Variants in LRRC47 observed in about 807,000 individuals in gnomAD.
LRRC47 encodes leucine rich repeat containing 47.
In LRRC47, 31 loss-of-function variants were observed where a neutral mutation model predicts 40.9. That is an observed-to-expected ratio of 0.76 (90% CI 0.57 to 1.02). The LOEUF is 1.02. Among genes scored for constraint, LRRC47 ranks in the 50% least tolerant of loss-of-function variants. The probability of loss-of-function intolerance (pLI) is 0.00; values close to 1 mark genes in which losing one functional copy is unlikely to be tolerated. For missense variants in LRRC47, 726 were observed against 796.1 expected (o/e 0.91, Z 1.06); for synonymous variants, 427 against 371.9 (o/e 1.15, Z -1.70).
chr1:3,795,709 C>G (rs1030197865), intron 1 of LRRC47, among the ~76,000 whole-genome samples, 153 bp downstream of exon 1: 4 of 152,194 alleles, frequency 2.6e-5, no homozygotes, highest in Non-Finnish European at 2.9e-5. Flanking sequence ...AGGGGTGATG[C>G]CCCCCGCAGC....
At chr1:3,785,822 A>T (rs1272956981) in intron 2 of LRRC47, among the ~76,000 whole-genome samples, 1 of 152,192 alleles carries the variant, frequency 6.6e-6, no homozygotes, top group Non-Finnish European at 1.5e-5. Context: ...TTTACTGCAG[A>T]AGTCAGAAAA....
At chr1:3,794,429 C>G (rs1643654765) in intron 1 of LRRC47, among the ~76,000 whole-genome samples, 2 of 151,978 alleles carry the variant, frequency 1.3e-5, no homozygotes, top group African/African-American at 4.8e-5. Context: ...TCACTGCAAC[C>G]TCCACTTCCT....
intron 1 of LRRC47, among the ~76,000 whole-genome samples, chr1:3,792,315 C>T (rs932490199): frequency 2.6e-5 from 4 of 152,150 alleles, no homozygotes; most frequent in African/African-American, 9.7e-5. Flanking sequence ...CTAAAATTTA[C>T]GAACAGAATG....
intron 1 of LRRC47, among the ~76,000 whole-genome samples, chr1:3,789,196 G>C (rs1490405028): frequency 1.3e-5 from 2 of 152,254 alleles, no homozygotes; most frequent in African/African-American, 4.8e-5. Flanking sequence ...CAGCCTTCTA[G>C]AGCTCCTCAC....
At chr1:3,785,030 G>A in intron 3 of LRRC47, 57 bp downstream of exon 3, 1 of 1,337,228 alleles carries the variant, frequency 7.5e-7, no homozygotes, top group Non-Finnish European at 1.0e-6. Flanking sequence ...TAGCAGCATG[G>A]CGTCTTTCGA....
chr1:3,782,704 T>C lies in LRRC47; in HGVS notation c.1370A>G (p.Asp457Gly). 1 of 1,613,306 alleles carries C rather than the reference T, an allele frequency of 6.2e-7. No homozygotes were observed. ...GGTTATTGGTGGGAAGGAAATCACA[T>C]CACCGTCTGCATCCACAAGACACGG... The part of the protein sequence containing the change: ...NYPCLVDADG[D>G]VISFPPITNS... Residue 457 changes from aspartate to glycine, a missense_variant, in exon 5 of 7, where the codon GAT becomes GGT. Coordinates refer to ENST00000378251, the MANE Select transcript of LRRC47 (RefSeq NM_020710.3).
chr1:3,784,079 G>A lies in LRRC47; in HGVS notation c.1227C>T (p.Ala409=), dbSNP rs202197521. 6.2e-7 allele frequency: 1 copy of A among 1,612,974 alleles called. No homozygotes were observed. The highest frequency in any genetic ancestry group is 1.3e-5 in the African/African-American group (1 of 75,028). The change falls in exon 4 of 7, where the codon GCC becomes GCT. Residue 409 remains alanine, a synonymous_variant. Transcript: ENST00000378251. ...IVPLGRKEAK[A]KELVRQLQLE... ...GCTGCAGCTGCCGCACCAGCTCCTT[G>A]GCCTTGGCTTCTTTCCGCCCCAAGG...
chr1:3,795,053 C>CAAAAAA (rs35186516), intron 1 of LRRC47, among the ~76,000 whole-genome samples: 15 of 61,588 alleles, frequency 2.4e-4, no homozygotes, highest in East Asian at 5.7e-4. Flanking sequence ...GACTACATCT[C>CAAAAAA]AAAAAAAAAA....
intron 1 of LRRC47, among the ~76,000 whole-genome samples, chr1:3,792,356 T>C (rs1643634243): frequency 6.6e-6 from 1 of 152,104 alleles, no homozygotes; most frequent in Admixed American, 6.5e-5. Context: ...GGCCACCTCT[T>C]TTGGGATTTA....
At chr1:3,787,630 C>T (rs548866798) in intron 1 of LRRC47, among the ~76,000 whole-genome samples, 24 of 152,222 alleles carry the variant, frequency 1.6e-4, no homozygotes, top group Non-Finnish European at 2.4e-4. Context: ...TCAATCATCA[C>T]GTTAGAGAAC....
rs754908459 is a variant in LRRC47, at chr1:3,781,597, T to G, written c.1418A>C (p.Lys473Thr). 3.7e-6 allele frequency: 6 copies of G among 1,612,630 alleles called. No individual in the cohort carries two copies. The highest frequency in any genetic ancestry group is 5.1e-6 in the Non-Finnish European group (6 of 1,179,142). ...PITNSEKTKV[K>T]KTTSDLFLEV... ...CAAAAACAAATCAGAAGTCGTTTTC[T>G]TAACCTTAAAAGAAAAAAACATTTC... The change falls in exon 6 of 7, where the codon AAG becomes ACG. Residue 473 changes from lysine (K) to threonine (T), a missense_variant. Lys to Thr is a moderately conservative substitution (Grantham distance 78). Coordinates refer to ENST00000378251, the MANE Select transcript of LRRC47 (RefSeq NM_020710.3).
chr1:3,784,909 C>T (rs1002032431), intron 3 of LRRC47, 178 bp downstream of exon 3: 121 of 373,678 alleles, frequency 3.2e-4, no homozygotes, highest in Admixed American at 9.3e-5. Flanking sequence ...GCAGGAGAAT[C>T]GCTTCAACCC....
chr1:3,780,971 T>C lies in LRRC47; in HGVS notation c.*117A>G, dbSNP rs1291260145. 1.4e-6 allele frequency: 2 copies of C among 1,443,840 alleles called. No individual in the cohort carries two copies. Among genetic ancestry groups the C allele is most frequent in the East Asian group, 2.3e-5 (1 of 43,626 alleles). 89.4% of individuals were successfully genotyped at this position (1,443,840 alleles called of 1,614,324 possible). ...AGCCTGGCGACAGAGCGAGACTCCA[T>C]CTCAAAAAAAAAAACCAACAAAAAA... is the stretch of plus-strand genomic sequence containing the variant. On this transcript the variant is annotated 3_prime_UTR_variant, in exon 7 of 7. Transcript: ENST00000378251.
chr1:3,783,402 A>T (rs1643540214), intron 4 of LRRC47, among the ~76,000 whole-genome samples: 1 of 141,432 alleles, frequency 7.1e-6, no homozygotes, highest in Non-Finnish European at 1.5e-5. Context: ...CCTGGGCGAC[A>T]AGAGTGAGAC....
chr1:3,792,542 C>T (rs1643636779), intron 1 of LRRC47, among the ~76,000 whole-genome samples: 1 of 150,526 alleles, frequency 6.6e-6, no homozygotes, highest in African/African-American at 2.5e-5. Flanking sequence ...TTCACTGCAA[C>T]CTCTGCCTCC....
intron 5 of LRRC47, 30 bp downstream of exon 5, chr1:3,782,631 C>T: frequency 8.0e-7 from 1 of 1,249,658 alleles, no homozygotes; most frequent in Non-Finnish European, 1.2e-6. Context: ...GCCTAGAAGA[C>T]ACACCATGTT....
At chr1:3,782,810 A>G (rs754049691) in intron 4 of LRRC47, 47 bp from the exon 5 acceptor site, 1 of 1,168,844 alleles carries the variant, frequency 8.6e-7, no homozygotes, top group South Asian at 1.2e-5. Context: ...TAAAAGAAAC[A>G]CTGTGCTGGG....
At chr1:3,789,578 A>AGCC (rs1214165504) in intron 1 of LRRC47, among the ~76,000 whole-genome samples, 19 of 152,228 alleles carry the variant, frequency 1.2e-4, no homozygotes, top group African/African-American at 4.3e-4. Context: ...CCCCGAAAGG[A>AGCC]TGATGGCGGG....
chr1:3,784,909 C>A (rs1002032431), intron 3 of LRRC47, 178 bp downstream of exon 3: 2 of 373,798 alleles, frequency 5.4e-6, no homozygotes, highest in South Asian at 3.1e-5. Context: ...GCAGGAGAAT[C>A]GCTTCAACCC....
Sources: gnomAD v4.1 joint callset for allele counts (sites outside exome capture counted in the v4.1 genomes callset) on GRCh38, gnomAD v4.1.1 for gene constraint, MANE v1.5 for transcripts, NCBI Gene and HGNC (gene_info 2026-07-23, HGNC 2026-07-21) for gene names.